The following PHLPP1 variants were observed in gnomAD, a reference collection of about 807,000 sequenced individuals.
PHLPP1 encodes the protein PH domain leucine-rich repeat-containing protein phosphatase 1.
PHLPP1 carries 42 observed loss-of-function variants against 117.2 expected under a neutral mutation model. The observed-to-expected ratio is 0.36, with a 90% CI of 0.28 to 0.46. The LOEUF is 0.46. Ranked by LOEUF, PHLPP1 falls within the 20% of genes least tolerant of loss-of-function variation. PHLPP1 has a pLI of 1.00. For missense variants in PHLPP1, 2,084 were observed against 2,241.9 expected, an observed-to-expected ratio of 0.93 and a Z score of 1.42; for synonymous variants, 1,042 against 970.7, an observed-to-expected ratio of 1.07 and a Z score of -1.37.
At chr18:62,958,592 A>G in intron 12 of PHLPP1, 37 bp from the exon 13 acceptor site, 1 of 1,611,604 alleles carries the variant, frequency 6.2e-7, no homozygotes, top group Non-Finnish European at 8.5e-7. Flanking sequence ...GCTTCTCTAG[A>G]CCATCTCTTT....
intron 1 of PHLPP1, among the ~76,000 whole-genome samples, chr18:62,804,824 A>T (rs1913891779): frequency 6.7e-6 from 1 of 148,830 alleles, no homozygotes; most frequent in Non-Finnish European, 1.5e-5. Context: ...TATACACTGT[A>T]TATATTATAC....
intron 11 of PHLPP1, among the ~76,000 whole-genome samples, chr18:62,944,292 C>G (rs1910214050): frequency 6.6e-6 from 1 of 151,946 alleles, no homozygotes; most frequent in Admixed American, 6.5e-5. Context: ...TTTTTTCTTT[C>G]AAATTTATAA....
intron 1 of PHLPP1, among the ~76,000 whole-genome samples, chr18:62,744,266 A>G (rs916116480): frequency 2.0e-5 from 3 of 152,240 alleles, no homozygotes; most frequent in Non-Finnish European, 2.9e-5. Flanking sequence ...CACACTCCTC[A>G]TACAGGCTTC....
intron 1 of PHLPP1, among the ~76,000 whole-genome samples, chr18:62,722,832 AGTATAT>A (rs563701703): frequency 1.3e-5 from 2 of 152,350 alleles, no homozygotes; most frequent in African/African-American, 4.8e-5. Context: ...AAAAGATGTT[AGTATAT>A]TTAGGTAACT....
chr18:62,848,588 C>A (rs953832015), intron 3 of PHLPP1, among the ~76,000 whole-genome samples: 1 of 151,650 alleles, frequency 6.6e-6, no homozygotes, highest in African/African-American at 2.4e-5. Flanking sequence ...CTCAGCCTCC[C>A]GAGTAACTGG....
intron 1 of PHLPP1, among the ~76,000 whole-genome samples, chr18:62,762,169 G>A (rs987412865): frequency 3.3e-5 from 5 of 151,738 alleles, no homozygotes; most frequent in African/African-American, 9.7e-5. Context: ...GTCTGCATTT[G>A]TAAAGCTATG....
Position 62,761,161 on chromosome 18 carries a change from G to C in PHLPP1, c.1576+43902G>C, listed in dbSNP as rs147656749. Among the ~76,000 whole-genome samples, 77 of 152,152 alleles carry C rather than the reference G, an allele frequency of 5.1e-4. No homozygotes were observed. The East Asian group carries it at 0.014, about 27-fold the overall frequency. On this transcript the variant is annotated intron_variant, in intron 1 of 16. Transcript: ENST00000262719. Reference sequence around the variant, plus strand: ...ATTACAGACATGAGCCACTGTGCCTGGACTTCCCTGGCATTTTTAATAACA... The same window carrying C: ...ATTACAGACATGAGCCACTGTGCCTCGACTTCCCTGGCATTTTTAATAACA...
intron 6 of PHLPP1, among the ~76,000 whole-genome samples, chr18:62,901,637 T>G (rs1916726913): frequency 6.6e-6 from 1 of 151,722 alleles, no homozygotes; most frequent in African/African-American, 2.4e-5. Context: ...TCTTTTTTTT[T>G]TTTTGAGATG....
rs111942996 is a variant in PHLPP1, at chr18:62,926,080, A to G, written c.2960+5966A>G. On this transcript the variant is annotated intron_variant, in intron 10 of 16. Transcript: ENST00000262719. ...CTTTTTAAAGTGTTGTGTTCCTCAA[A>G]TATTTTAAGGTATAGTTCTTAACCA... is the stretch of plus-strand genomic sequence containing the variant. 3.7e-3 allele frequency among the ~76,000 whole-genome samples: 566 copies of G among 152,328 alleles called. 4 individuals are homozygous for G. Among genetic ancestry groups the G allele is most frequent in the Middle Eastern group, 0.01 (3 of 294 alleles).
intron 1 of PHLPP1, among the ~76,000 whole-genome samples, chr18:62,770,197 G>T (rs772354049): frequency 6.6e-6 from 1 of 151,996 alleles, no homozygotes; most frequent in Non-Finnish European, 1.5e-5. Context: ...TGCAACCTCC[G>T]CCTCCTGGTT....
intron 1 of PHLPP1, among the ~76,000 whole-genome samples, chr18:62,778,063 A>G (rs936485551): frequency 1.3e-5 from 2 of 152,208 alleles, no homozygotes; most frequent in Admixed American, 6.5e-5. Context: ...TGAATCAGCC[A>G]GTTTTCTATG....
chr18:62,835,076 G>A (rs951592841), intron 2 of PHLPP1, among the ~76,000 whole-genome samples: 1 of 151,886 alleles, frequency 6.6e-6, no homozygotes, highest in African/African-American at 2.4e-5. Context: ...TTTGTTTACT[G>A]TATAGTTAAT....
chr18:62,821,024 A>C (rs1914436824), intron 1 of PHLPP1, among the ~76,000 whole-genome samples: 1 of 152,378 alleles, frequency 6.6e-6, no homozygotes, highest in Middle Eastern at 3.4e-3. Context: ...GTGTGATAGA[A>C]GAAATAAAAA....
At chr18:62,763,453 A>G (rs1912327213) in intron 1 of PHLPP1, among the ~76,000 whole-genome samples, 1 of 152,120 alleles carries the variant, frequency 6.6e-6, no homozygotes, top group Non-Finnish European at 1.5e-5. Flanking sequence ...ACCTTTTGCC[A>G]GGTTTTCTAG....
chr18:62,935,020 T>A lies in PHLPP1; in HGVS notation c.2961-6698T>A, dbSNP rs530924693. Among the ~76,000 whole-genome samples the A allele has an allele frequency of 1.8e-4, 28 of 152,278 alleles. No homozygotes were observed. The South Asian group carries it at 5.8e-3, about 32-fold the overall frequency. On this transcript the variant is annotated intron_variant, in intron 10 of 16. Transcript: ENST00000262719. ...CACTCTTATTCAATATTATATTAGA[T>A]ATATTAGCCAGGTAATTAGACAAGA...
chr18:62,844,252 G>A (rs1480373497), intron 3 of PHLPP1, among the ~76,000 whole-genome samples: 5 of 152,100 alleles, frequency 3.3e-5, no homozygotes, highest in Non-Finnish European at 7.4e-5. Flanking sequence ...CAGGAGAATC[G>A]CTTTTGAACC....
intron 10 of PHLPP1, among the ~76,000 whole-genome samples, chr18:62,927,864 A>G (rs1909686041): frequency 1.3e-5 from 2 of 152,150 alleles, no homozygotes. Flanking sequence ...AGTACATGTG[A>G]AAAAGAGTAT....
intron 3 of PHLPP1, among the ~76,000 whole-genome samples, chr18:62,844,577 A>G (rs1489639212): frequency 6.6e-6 from 1 of 152,118 alleles, no homozygotes; most frequent in Non-Finnish European, 1.5e-5. Flanking sequence ...TTCTCTCTGG[A>G]TTATTACAAA....
chr18:62,892,579 T>C (rs906636917), intron 4 of PHLPP1, among the ~76,000 whole-genome samples: 2 of 151,924 alleles, frequency 1.3e-5, no homozygotes, highest in Non-Finnish European at 2.9e-5. Context: ...AGTATTGTTA[T>C]AAAAATAGTT....
Sources: gnomAD v4.1 joint callset for allele counts (sites outside exome capture counted in the v4.1 genomes callset) on GRCh38, gnomAD v4.1.1 for gene constraint, MANE v1.5 for transcripts, NCBI Gene and HGNC (gene_info 2026-07-23, HGNC 2026-07-21) for gene names.